Variants in FILIP1L observed in about 807,000 individuals in gnomAD.
FILIP1L encodes the protein filamin A-interacting protein 1-like.
FILIP1L carries 55 observed loss-of-function variants against 96.6 expected under a neutral mutation model. That is an observed-to-expected ratio of 0.57 (90% confidence interval 0.46 to 0.71). The LOEUF is 0.71. FILIP1L is among the 30% of genes least tolerant of loss of function. The pLI, the probability that FILIP1L is intolerant of heterozygous loss-of-function variation, is 0.00. For synonymous variants in FILIP1L, 467 were observed against 473.9 expected, an observed-to-expected ratio of 0.99 and a Z score of 0.19; for missense variants, 1,304 against 1,321.2, an observed-to-expected ratio of 0.99 and a Z score of 0.20.
chr3:100,092,682 T>C (rs1263586196), intron 1 of FILIP1L, among the ~76,000 whole-genome samples: 3 of 147,850 alleles, frequency 2.0e-5, no homozygotes, highest in Non-Finnish European at 4.5e-5. Flanking sequence ...CATACATTAT[T>C]GCTATTATTA....
chr3:100,072,708 A>G (rs1236722018), intron 1 of FILIP1L, among the ~76,000 whole-genome samples: 1 of 152,212 alleles, frequency 6.6e-6, no homozygotes, highest in Non-Finnish European at 1.5e-5. Context: ...CAGATTATCT[A>G]CTGGACAGAG....
intron 1 of FILIP1L, among the ~76,000 whole-genome samples, chr3:100,075,935 T>C (rs1246342707): frequency 6.6e-6 from 1 of 152,206 alleles, no homozygotes; most frequent in Non-Finnish European, 1.5e-5. Flanking sequence ...CTAGAAATCT[T>C]CATTTCTGAT....
intron 1 of FILIP1L, among the ~76,000 whole-genome samples, chr3:100,052,701 A>G (rs558474158): frequency 5.8e-4 from 89 of 152,318 alleles, no homozygotes; most frequent in African/African-American, 2.1e-3. Flanking sequence ...TAAGATAAGT[A>G]TATTCTAAAA....
chr3:99,893,327 G>A (rs922538278), intron 4 of FILIP1L, among the ~76,000 whole-genome samples: 5 of 151,864 alleles, frequency 3.3e-5, no homozygotes, highest in Admixed American at 6.6e-5. Flanking sequence ...CACCACGCCC[G>A]GCTAATTTTT....
chr3:99,967,282 G>A (rs1242593485), intron 1 of FILIP1L, among the ~76,000 whole-genome samples: 5 of 152,102 alleles, frequency 3.3e-5, no homozygotes, highest in Non-Finnish European at 7.4e-5. Context: ...TACCTCATGA[G>A]GTTATTTAGA....
At position 99,845,716 on chromosome 3, in the gene FILIP1L, GA is replaced by G. The variant is rs568613474; in HGVS notation, c.3381+2578del. On this transcript the variant is annotated intron_variant, in intron 5 of 5. Transcript: ENST00000477258. ...GTGTCATTTTAGGTGTAATTCTATA[GA>G]AAAAAAGATGTTTTGCAGAAATTAT... Among the ~76,000 whole-genome samples, 4 of 152,048 alleles carry G rather than the reference GA, an allele frequency of 2.6e-5. No homozygotes were observed. In the East Asian group the frequency reaches 7.7e-4, roughly 29 times the overall value.
At chr3:99,861,412 A>G (rs1490525542) in intron 4 of FILIP1L, among the ~76,000 whole-genome samples, 2 of 152,152 alleles carry the variant, frequency 1.3e-5, no homozygotes, top group Admixed American at 6.5e-5. Context: ...TGTATTCCTG[A>G]AAGTGCCTCC....
In FILIP1L at chr3:100,109,246, G is replaced by A. The variant is rs1035353584; in HGVS notation, c.-11+4807C>T. ...AAAAAAAATTTTTCAATGAAAATCT[G>A]CAAGAATTCCATACAACACCAAAGC... On this transcript the variant is annotated intron_variant, in intron 1 of 5. Coordinates refer to ENST00000477258, the MANE Select transcript of FILIP1L (RefSeq NM_001387850.1). 2.6e-5 allele frequency among the ~76,000 whole-genome samples: 4 copies of A among 152,104 alleles called. No homozygotes were observed. In the East Asian group the frequency reaches 7.7e-4, roughly 29 times the overall value.
chr3:99,944,530 G>A (rs190117702), intron 1 of FILIP1L, among the ~76,000 whole-genome samples: 7 of 152,260 alleles, frequency 4.6e-5, no homozygotes, highest in Admixed American at 1.3e-4. Flanking sequence ...ACACTAAATC[G>A]TTAGGCACTG....
intron 5 of FILIP1L, among the ~76,000 whole-genome samples, chr3:99,838,554 A>G (rs1441627847): frequency 2.0e-5 from 3 of 152,212 alleles, no homozygotes; most frequent in Non-Finnish European, 4.4e-5. Context: ...GTGGAGCACA[A>G]GGAGGTAACA....
intron 1 of FILIP1L, among the ~76,000 whole-genome samples, chr3:99,983,772 GT>G (rs1341231956): frequency 6.6e-6 from 1 of 150,810 alleles, no homozygotes; most frequent in Non-Finnish European, 1.5e-5. Context: ...AATATTCCAT[GT>G]AACTCTACCT....
chr3:100,040,182 A>G (rs1428849161), intron 1 of FILIP1L: 4 of 152,128 alleles, frequency 2.6e-5, no homozygotes, highest in Non-Finnish European at 5.9e-5. Flanking sequence ...GGAACCTAAG[A>G]CAATCTCTGG....
chr3:100,095,005 G>A (rs2066179848), intron 1 of FILIP1L, among the ~76,000 whole-genome samples: 1 of 152,034 alleles, frequency 6.6e-6, no homozygotes, highest in Middle Eastern at 3.2e-3. Context: ...GTCTTTTGTT[G>A]GCTGAGTTGC....
chr3:99,864,576 T>C (rs544620470), intron 4 of FILIP1L, among the ~76,000 whole-genome samples: 25 of 152,246 alleles, frequency 1.6e-4, no homozygotes, highest in Admixed American at 1.4e-3. Context: ...AGACAAAAAA[T>C]GTTGACCTCA....
intron 1 of FILIP1L, among the ~76,000 whole-genome samples, chr3:100,077,046 G>A (rs888984560): frequency 3.9e-5 from 6 of 152,186 alleles, no homozygotes; most frequent in Non-Finnish European, 7.3e-5. Flanking sequence ...GCCAGGGTAC[G>A]CTTACATAAG....
chr3:100,003,852 C>T (rs1709911878), intron 1 of FILIP1L, among the ~76,000 whole-genome samples: 1 of 152,126 alleles, frequency 6.6e-6, no homozygotes, highest in African/African-American at 2.4e-5. Context: ...ACTAACTTTG[C>T]ATGAGTTCAA....
intron 1 of FILIP1L, among the ~76,000 whole-genome samples, chr3:99,933,156 C>T (rs968788048): frequency 2.0e-5 from 3 of 152,302 alleles, no homozygotes; most frequent in East Asian, 3.9e-4. Context: ...GGGACCCACA[C>T]TCTTAAAAAT....
At position 99,910,145 on chromosome 3, in the gene FILIP1L, G is replaced by A. The variant is rs1464845045; in HGVS notation, c.605+14085C>T. Among the ~76,000 whole-genome samples the A allele has an allele frequency of 5.9e-5, 8 of 136,218 alleles. 2 individuals are homozygous for A. Among genetic ancestry groups the A allele is most frequent in the Admixed American group, 1.6e-4 (2 of 12,768 alleles). The allele number at this position is 136,218 out of a possible 152,430, so 89.4% of individuals were successfully genotyped here. On this transcript the variant is annotated intron_variant, in intron 4 of 5. Transcript: ENST00000477258. ...AATTCTTAATAGAGTTGGTTTATAC[G>A]TAATTTCTATTCTTTGACTTACAAG...
At position 100,020,760 on chromosome 3, in the gene FILIP1L, C is replaced by CTTTTTTT. The variant is rs34665880; in HGVS notation, c.-10-89737_-10-89731dup. 4.2e-4 allele frequency among the ~76,000 whole-genome samples: 30 copies of CTTTTTTT among 71,010 alleles called. 1 individual carries two copies. Among genetic ancestry groups the CTTTTTTT allele is most frequent in the Non-Finnish European group, 5.3e-4 (22 of 41,164 alleles). The allele number at this position is 71,010 out of a possible 152,430, so 46.6% of individuals were successfully genotyped here. On this transcript the variant is annotated intron_variant, in intron 1 of 5. Transcript: ENST00000477258. ...TTTTTAGAAAGTAATGAATAATTAG[C>CTTTTTTT]TTTTTTTTTTTTTTTTTTTTTTTTT...
Sources: gnomAD v4.1 joint callset for allele counts (sites outside exome capture counted in the v4.1 genomes callset) on GRCh38, gnomAD v4.1.1 for gene constraint, MANE v1.5 for transcripts, NCBI Gene and HGNC (gene_info 2026-07-23, HGNC 2026-07-21) for gene names.